Variants in RFPL1 observed in about 807,000 individuals in gnomAD.
The protein encoded by RFPL1 is ret finger protein like 1.
In RFPL1, 6 loss-of-function variants were observed where a neutral mutation model predicts 9.6. The ratio of observed to expected loss-of-function variants is 0.62; its 90% confidence interval spans 0.34 to 1.23. The LOEUF is 1.23. Among genes scored for constraint, RFPL1 ranks in the 50% most tolerant of loss-of-function variants. The probability of loss-of-function intolerance (pLI) is 0.03; values close to 1 mark genes in which losing one functional copy is unlikely to be tolerated. For synonymous variants in RFPL1, 145 were observed against 149.4 expected (o/e 0.97, Z 0.22); for missense variants, 352 against 398.4 (o/e 0.88, Z 0.99).
chr22:29,406,360 T>G, the RFPL1 span, among the ~76,000 whole-genome samples: 1 of 151,958 alleles, frequency 6.6e-6, no homozygotes, highest in Admixed American at 6.5e-5. Context: ...TAAGCCTTTA[T>G]CTGTATCTCA....
At chr22:29,388,888 G>A in the RFPL1 span, among the ~76,000 whole-genome samples, 1 of 152,040 alleles carries the variant, frequency 6.6e-6, no homozygotes, top group Non-Finnish European at 1.5e-5. Context: ...TTGTTTGTTT[G>A]TTTGAAATAG....
chr22:29,415,635 A>G, the RFPL1 span, among the ~76,000 whole-genome samples: 4 of 152,228 alleles, frequency 2.6e-5, no homozygotes, highest in Non-Finnish European at 5.9e-5. Context: ...CTCCTCAGAC[A>G]CCGGGTTAAA....
the RFPL1 span, among the ~76,000 whole-genome samples, chr22:29,394,210 C>A: frequency 2.6e-5 from 4 of 152,206 alleles, no homozygotes; most frequent in African/African-American, 9.6e-5. Context: ...GTTTTTGAGA[C>A]AGAGTTTCGC....
chr22:29,428,578 A>G, the RFPL1 span, among the ~76,000 whole-genome samples: 1 of 152,242 alleles, frequency 6.6e-6, no homozygotes, highest in East Asian at 1.9e-4. Context: ...CCTCTCCAGG[A>G]TGGACCACAT....
upstream of RFPL1, chr22:29,434,854 T>G (rs2062801356): frequency 6.6e-6 from 1 of 152,246 alleles, no homozygotes; most frequent in South Asian, 2.1e-4. Context: ...ATGGGACTCA[T>G]ATCTTTACAT....
chr22:29,435,071 C>G (rs2062802340), upstream of RFPL1: 1 of 152,190 alleles, frequency 6.6e-6, no homozygotes, highest in Non-Finnish European at 1.5e-5. Flanking sequence ...TTTCTGCTTG[C>G]CACAAGATAA....
chr22:29,412,174 C>T, the RFPL1 span, among the ~76,000 whole-genome samples: 8,313 of 152,190 alleles, frequency 0.055, 266 homozygotes, highest in Non-Finnish European at 0.076. Context: ...AGACAGGACA[C>T]GAGTCAGTAG....
At chr22:29,433,344 G>C in the RFPL1 span, 25,577 of 151,750 alleles carry the variant, frequency 0.17, 2,300 homozygotes, top group African/African-American at 0.2. Context: ...CACATACCTA[G>C]AGTGTGGATA....
chr22:29,419,282 G>T, the RFPL1 span: 7 of 1,087,248 alleles, frequency 6.4e-6, no homozygotes, highest in African/African-American at 1.6e-5. Context: ...AGGCAAGCAT[G>T]AGTGATCCCT....
chr22:29,442,105 C>T (rs1424857765), exon 2 of RFPL1: 1 of 1,543,324 alleles, frequency 6.5e-7, no homozygotes, highest in East Asian at 2.3e-5. Context: ...TCCAGTCCAT[C>T]CTGGGGAGGC....
the RFPL1 span, among the ~76,000 whole-genome samples, chr22:29,389,827 C>G: frequency 1.3e-5 from 2 of 151,046 alleles, no homozygotes; most frequent in African/African-American, 2.4e-5. Context: ...GAGACAGGGT[C>G]TCGCTCTGTT....
the RFPL1 span, among the ~76,000 whole-genome samples, chr22:29,419,538 C>T: frequency 5.9e-5 from 9 of 152,082 alleles, no homozygotes; most frequent in Non-Finnish European, 1.3e-4. Flanking sequence ...GGCACGGTGG[C>T]TCATGTCTGT....
chr22:29,393,022 G>C, the RFPL1 span, among the ~76,000 whole-genome samples: 2 of 152,202 alleles, frequency 1.3e-5, no homozygotes, highest in African/African-American at 4.8e-5. Flanking sequence ...TGTTGAGTAT[G>C]GGAGAAAGAT....
chr22:29,442,328 T>A, exon 2 of RFPL1: 1 of 415,776 alleles, frequency 2.4e-6, no homozygotes, highest in Non-Finnish European at 4.3e-6. Flanking sequence ...TTGAGTCTTA[T>A]GGTTCACATC....
chr22:29,424,839 C>CG, the RFPL1 span, among the ~76,000 whole-genome samples: 1 of 111,662 alleles, frequency 9.0e-6, no homozygotes, highest in African/African-American at 3.5e-5. Flanking sequence ...TCCCACCCCC[C>CG]CCCCCGCAAA....
exon 1 of RFPL1, chr22:29,438,985 A>G (rs1285468027): frequency 5.0e-6 from 8 of 1,614,002 alleles, no homozygotes; most frequent in Non-Finnish European, 6.8e-6. Context: ...AAGTGCATCA[A>G]TTCACTGCAG....
the RFPL1 span, among the ~76,000 whole-genome samples, chr22:29,389,794 G>GTT: frequency 6.5e-4 from 98 of 150,300 alleles, no homozygotes; most frequent in South Asian, 3.2e-3. Context: ...TAGATCATTT[G>GTT]TTTTTTTTTG....
the RFPL1 span, among the ~76,000 whole-genome samples, chr22:29,424,993 A>T: frequency 6.6e-6 from 1 of 151,946 alleles, no homozygotes; most frequent in Non-Finnish European, 1.5e-5. Context: ...TCACGAGGTC[A>T]GGAGATCGAG....
chr22:29,413,716 T>C, the RFPL1 span, among the ~76,000 whole-genome samples: 1 of 152,202 alleles, frequency 6.6e-6, no homozygotes, highest in Non-Finnish European at 1.5e-5. Flanking sequence ...ATAGGCTTTT[T>C]TAACCTTTTA....
Sources: allele counts gnomAD v4.1 joint callset (sites outside exome capture counted in the v4.1 genomes callset), GRCh38; gene constraint gnomAD v4.1.1; transcripts MANE v1.5; gene names NCBI Gene and HGNC (gene_info 2026-07-23, HGNC 2026-07-21).